The following FREM3 variants were observed in gnomAD, a reference collection of about 807,000 sequenced individuals.
The protein encoded by FREM3 is FRAS1 related extracellular matrix 3.
A neutral mutation model predicts 129.1 loss-of-function variants in FREM3; 105 were observed. The observed-to-expected ratio is 0.81, with a 90% CI of 0.69 to 0.96. The LOEUF is 0.96. Among genes scored for constraint, FREM3 ranks in the 40% least tolerant of loss-of-function variants. The probability of loss-of-function intolerance (pLI) is 0.00; values close to 1 mark genes in which losing one functional copy is unlikely to be tolerated. For missense variants in FREM3, 2,593 were observed against 2,666.3 expected, an observed-to-expected ratio of 0.97 and a Z score of 0.61; for synonymous variants, 1,014 against 1,044.9, an observed-to-expected ratio of 0.97 and a Z score of 0.57.
At chr4:143,655,167 T>C (rs981877644) in intron 2 of FREM3, among the ~76,000 whole-genome samples, 14 of 152,194 alleles carry the variant, frequency 9.2e-5, no homozygotes, top group African/African-American at 3.4e-4. Flanking sequence ...TGTGCACCAG[T>C]GTACTCCTCC....
At chr4:143,641,852 G>T (rs1739325393) in intron 2 of FREM3, among the ~76,000 whole-genome samples, 1 of 152,080 alleles carries the variant, frequency 6.6e-6, no homozygotes, top group Non-Finnish European at 1.5e-5. Context: ...ATCCCAAAGG[G>T]TTCCACTAAA....
intron 2 of FREM3, among the ~76,000 whole-genome samples, chr4:143,628,057 T>C (rs186383627): frequency 6.6e-5 from 10 of 152,144 alleles, no homozygotes; most frequent in Admixed American, 6.6e-4. Flanking sequence ...TAAATTCAGG[T>C]CATACTCAAC....
chr4:143,581,260 C>T (rs564720360), intron 7 of FREM3, among the ~76,000 whole-genome samples: 49 of 152,324 alleles, frequency 3.2e-4, no homozygotes, highest in African/African-American at 1.1e-3. Context: ...GGCGGCTCTG[C>T]ATTTCTCTGG....
At chr4:143,609,767 G>A (rs528623429) in intron 6 of FREM3, among the ~76,000 whole-genome samples, 1 of 152,262 alleles carries the variant, frequency 6.6e-6, no homozygotes, top group South Asian at 2.1e-4. Context: ...TGACCACGTA[G>A]GGATTTTTCA....
In FREM3 at chr4:143,698,520, T is replaced by A. The variant is rs1045703040; in HGVS notation, c.2156A>T (p.Gln719Leu). The change falls in exon 1 of 8, where the codon CAA becomes CTA. Residue 719 changes from glutamine (Q) to leucine (L), a missense_variant. Coordinates refer to ENST00000329798, the MANE Select transcript of FREM3 (RefSeq NM_001168235.2). ...GAAATTCTTCTGGAAGTGAGTGAGT[T>A]GGTATTCTTGTACAGTCATTTCTAG... ...TTLEMTVQEY[Q>L]LTHFQKNFLR... The A allele has an allele frequency of 2.7e-5, 42 of 1,537,492 alleles. No individual in the cohort carries two copies. The highest frequency in any genetic ancestry group is 3.4e-5 in the Non-Finnish European group (39 of 1,147,014).
At chr4:143,592,609 A>T (rs1294947536) in intron 6 of FREM3, among the ~76,000 whole-genome samples, 1 of 152,184 alleles carries the variant, frequency 6.6e-6, no homozygotes, top group African/African-American at 2.4e-5. Context: ...CTGAGAGATC[A>T]GCAGTTAGTC....
intron 2 of FREM3, among the ~76,000 whole-genome samples, chr4:143,666,571 A>G (rs796590549): frequency 5.9e-5 from 9 of 152,308 alleles, no homozygotes; most frequent in African/African-American, 1.9e-4. Context: ...GTGATGATAC[A>G]TGTTAAAACA....
Position 143,685,652 on chromosome 4 carries a change from A to G in FREM3, c.5275+7461T>C, listed in dbSNP as rs564823417. On this transcript the variant is annotated intron_variant, in intron 2 of 7. Coordinates refer to ENST00000329798, the MANE Select transcript of FREM3 (RefSeq NM_001168235.2). ...TACATAGGCAACAAAGTGCACGATG[A>G]CTGCAATAGTACTTCACATTTCAAT... Among the ~76,000 whole-genome samples the G allele has an allele frequency of 7.2e-5, 11 of 152,374 alleles. No homozygotes were observed. The South Asian group carries it at 1.9e-3, about 26-fold the overall frequency.
intron 2 of FREM3, among the ~76,000 whole-genome samples, chr4:143,679,471 A>G (rs570385300): frequency 1.3e-5 from 2 of 152,348 alleles, no homozygotes; most frequent in African/African-American, 4.8e-5. Context: ...AAAAGTAAAT[A>G]GAAAATATTT....
chr4:143,580,573 C>T (rs1296629692), intron 7 of FREM3, among the ~76,000 whole-genome samples: 1 of 152,226 alleles, frequency 6.6e-6, no homozygotes, highest in African/African-American at 2.4e-5. Flanking sequence ...CTCACATGCC[C>T]CCAGGATAGG....
chr4:143,591,935 A>G (rs567469016), intron 6 of FREM3, among the ~76,000 whole-genome samples: 1 of 152,208 alleles, frequency 6.6e-6, no homozygotes, highest in Non-Finnish European at 1.5e-5. Context: ...TGTACTGGGT[A>G]CATATATATT....
At position 143,585,637 on chromosome 4, in the gene FREM3, T is replaced by C. The variant is rs1738227387; in HGVS notation, c.6178+207A>G. Among the ~76,000 whole-genome samples the C allele has an allele frequency of 6.6e-6, 1 of 152,206 alleles. No homozygotes were observed. Among genetic ancestry groups the C allele is most frequent in the Non-Finnish European group, 1.5e-5 (1 of 68,038 alleles). ...CCATGACAAGCCAGTGGGTAATAAA[T>C]GAATCATAAAGGCTGCTGTTTGAAT... is the stretch of plus-strand genomic sequence containing the variant. On this transcript the variant is annotated intron_variant, in intron 7 of 7. Coordinates refer to ENST00000329798, the MANE Select transcript of FREM3 (RefSeq NM_001168235.2). This position sits in a 1 kb window ranked among gnomAD's most constrained non-coding sequence, Gnocchi z 4.2.
intron 6 of FREM3, among the ~76,000 whole-genome samples, chr4:143,595,788 T>G (rs1430520823): frequency 6.7e-6 from 1 of 149,960 alleles, no homozygotes; most frequent in Non-Finnish European, 1.5e-5. Context: ...CTTGGGAGGC[T>G]GAGGCAGAAG....
chr4:143,592,577 C>T (rs1398881882), intron 6 of FREM3, among the ~76,000 whole-genome samples: 3 of 152,216 alleles, frequency 2.0e-5, no homozygotes, highest in African/African-American at 7.2e-5. Context: ...CCCCCTCTCT[C>T]TTCTGGCTTG....
chr4:143,578,049 T>C (rs1045514452), intron 7 of FREM3, among the ~76,000 whole-genome samples, 197 bp from the exon 8 acceptor site: 2 of 152,264 alleles, frequency 1.3e-5, no homozygotes, highest in African/African-American at 4.8e-5. Context: ...CCTTGTGCCA[T>C]GCCCACGTGC....
At position 143,697,657 on chromosome 4, in the gene FREM3, A is replaced by T; in HGVS notation, c.3019T>A (p.Phe1007Ile). ...CCATTGATGAGATCCTCTTGGGTGA[A>T]TCGTTCTGTGGGCAAACCATTTACC... is the stretch of plus-strand genomic sequence containing the variant. ...ILVNGLPTER[F>I]TQEDLINGRV... The change falls in exon 1 of 8, where the codon TTC (phenylalanine) becomes ATC (isoleucine). Residue 1007 changes from phenylalanine to isoleucine, a missense_variant. Around this residue, in one of 2 missense-constraint regions of FREM3, gnomAD observed 2,276 missense variants for 2,267.2 expected, o/e 1.00. Coordinates refer to ENST00000329798, the MANE Select transcript of FREM3 (RefSeq NM_001168235.2). The T allele has an allele frequency of 6.5e-7, 1 of 1,537,828 alleles. No homozygotes were observed. Among genetic ancestry groups the T allele is most frequent in the Non-Finnish European group, 8.7e-7 (1 of 1,147,046 alleles).
chr4:143,692,750 T>G (rs1237321680), intron 2 of FREM3, among the ~76,000 whole-genome samples: 1 of 152,176 alleles, frequency 6.6e-6, no homozygotes, highest in African/African-American at 2.4e-5. Flanking sequence ...AATCTGAAGA[T>G]GTATTTTCTA....
intron 6 of FREM3, among the ~76,000 whole-genome samples, chr4:143,599,255 A>AT (rs1167905908): frequency 6.6e-6 from 1 of 152,138 alleles, no homozygotes; most frequent in African/African-American, 2.4e-5. Context: ...GGTCAATAGG[A>AT]TTTTTCAGAA....
intron 2 of FREM3, among the ~76,000 whole-genome samples, chr4:143,685,194 A>G (rs927507456): frequency 3.9e-5 from 6 of 152,184 alleles, no homozygotes. Context: ...ACCTAGGCAC[A>G]TTGTCATCAG....
Sources: gnomAD v4.1 joint callset for allele counts (sites outside exome capture counted in the v4.1 genomes callset) on GRCh38, gnomAD v4.1.1 for gene constraint, gnomAD v4.1.1 regional missense constraint, Gnocchi (gnomAD v3.1) non-coding constraint, MANE v1.5 for transcripts, NCBI Gene and HGNC (gene_info 2026-07-23, HGNC 2026-07-21) for gene names.